Variants in ZFHX3 observed in about 807,000 individuals in gnomAD.
ZFHX3 encodes zinc finger homeobox protein 3.
A neutral mutation model predicts 279.1 loss-of-function variants in ZFHX3; 42 were observed. The observed-to-expected ratio is 0.15, with a 90% CI of 0.12 to 0.19. The LOEUF is 0.19. Among genes scored for constraint, ZFHX3 ranks in the 10% least tolerant of loss-of-function variants. ZFHX3 has a pLI of 1.00. For missense variants in ZFHX3, 4,981 were observed against 4,754.0 expected, an observed-to-expected ratio of 1.05 and a Z score of -1.40; for synonymous variants, 2,293 against 1,957.8, an observed-to-expected ratio of 1.17 and a Z score of -4.52.
chr16:72,839,351 C>CAAATGAA (rs1388382722), intron 4 of ZFHX3, among the ~76,000 whole-genome samples: 1 of 152,148 alleles, frequency 6.6e-6, no homozygotes, highest in Admixed American at 6.5e-5. Flanking sequence ...TCATTTAAAA[C>CAAATGAA]GTGATCTAAC....
intron 4 of ZFHX3, among the ~76,000 whole-genome samples, chr16:72,887,775 G>T (rs1351657595): frequency 1.3e-5 from 2 of 151,588 alleles, no homozygotes; most frequent in African/African-American, 4.9e-5. Flanking sequence ...GTATACAGGG[G>T]GTGTGTGTGT....
chr16:72,825,957 T>C (rs753970743), intron 5 of ZFHX3, among the ~76,000 whole-genome samples: 2 of 152,174 alleles, frequency 1.3e-5, no homozygotes, highest in Non-Finnish European at 2.9e-5. Context: ...TGATCTATAG[T>C]AATATCGGTC....
At position 73,319,119 on chromosome 16, in the gene ZFHX3, G is replaced by T. The variant is rs184868033; in HGVS notation, c.-1290-783C>A. Among the ~76,000 whole-genome samples the T allele has an allele frequency of 5.9e-5, 9 of 151,908 alleles. No homozygotes were observed. In the South Asian group the frequency reaches 8.4e-4, roughly 14 times the overall value. ...GGGAGGGGAGGTGTGGAATGGGGGG[G>T]GCAGAGGACGCACAAGGACCGGAGC... On this transcript the variant is annotated intron_variant, in intron 3 of 17. Transcript: ENST00000641206.
At position 73,568,810 on chromosome 16, in the gene ZFHX3, CA is replaced by C; in HGVS notation, c.-1547+111369del. On this transcript the variant is annotated intron_variant, in intron 2 of 17. Transcript: ENST00000641206. ...GTGGTGAAATCTATCAAAGGAATCT[CA>C]AAACAGATTACATGGTAAATTATCG... is the stretch of plus-strand genomic sequence containing the variant. 4.6e-5 allele frequency among the ~76,000 whole-genome samples: 7 copies of C among 152,192 alleles called. No homozygotes were observed. In the Middle Eastern group the frequency reaches 0.024, roughly 518 times the overall value.
At chr16:72,820,178 C>G (rs1464523678) in intron 5 of ZFHX3, among the ~76,000 whole-genome samples, 2 of 152,208 alleles carry the variant, frequency 1.3e-5, no homozygotes, top group Non-Finnish European at 2.9e-5. Flanking sequence ...GAAGCAGCCT[C>G]TCTGGCAGGC....
At chr16:73,649,949 G>A (rs948214003) in intron 2 of ZFHX3, among the ~76,000 whole-genome samples, 6 of 152,114 alleles carry the variant, frequency 3.9e-5, no homozygotes, top group South Asian at 2.1e-4. Context: ...TGTGAGTCAC[G>A]GCTCTAGCAC....
At chr16:73,359,684 T>C (rs1195083565) in intron 3 of ZFHX3, among the ~76,000 whole-genome samples, 1 of 152,204 alleles carries the variant, frequency 6.6e-6, no homozygotes, top group East Asian at 1.9e-4. Context: ...TCTGGAGCTA[T>C]CTTCTCTCTG....
chr16:72,802,058 A>T (rs571779102), intron 7 of ZFHX3, among the ~76,000 whole-genome samples: 1 of 152,246 alleles, frequency 6.6e-6, no homozygotes, highest in African/African-American at 2.4e-5. Flanking sequence ...GAATAAAATT[A>T]TCTAACACCT....
chr16:73,640,588 A>C (rs1284549697), intron 2 of ZFHX3, among the ~76,000 whole-genome samples: 1 of 152,200 alleles, frequency 6.6e-6, no homozygotes, highest in Non-Finnish European at 1.5e-5. Flanking sequence ...CCACATTCTC[A>C]GAATTGTTTA....
chr16:73,023,817 A>G (rs1045016547), intron 1 of ZFHX3, among the ~76,000 whole-genome samples: 1 of 152,140 alleles, frequency 6.6e-6, no homozygotes, highest in African/African-American at 2.4e-5. Flanking sequence ...CACACACACC[A>G]CGACGTCAGC....
rs145444498 is a variant in ZFHX3, at chr16:73,577,795, T to C, written c.-1547+102385A>G. Among the ~76,000 whole-genome samples the C allele has an allele frequency of 1.5e-3, 226 of 152,322 alleles. 3 individuals carry two copies. The highest frequency in any genetic ancestry group is 5.1e-3 in the African/African-American group (214 of 41,572). ...GTTTTCTCCTTATGTTCCGCCATAG[T>C]TTTATAGTTTTTACCCTACGAATTT... On this transcript the variant is annotated intron_variant, in intron 2 of 17. Coordinates refer to the ZFHX3 transcript ENST00000641206.
chr16:73,868,407 C>A (rs1962082585), intron 1 of ZFHX3, among the ~76,000 whole-genome samples: 1 of 152,206 alleles, frequency 6.6e-6, no homozygotes, highest in Non-Finnish European at 1.5e-5. Context: ...GCCTGTAATC[C>A]CAGCTACTCG....
chr16:73,838,569 C>T (rs1177976444), intron 1 of ZFHX3, among the ~76,000 whole-genome samples: 1 of 152,094 alleles, frequency 6.6e-6, no homozygotes, highest in Admixed American at 6.5e-5. Context: ...CCTTTGCAAA[C>T]AGTAAAGTGT....
rs1457999082 is a variant in ZFHX3, at chr16:73,448,684, ACGTGTGTGTG to A, written c.-1291+7309_-1291+7318del. ...AAAAGGGGAAGGTGTATATTTATAT[ACGTGTGTGTG>A]TGTGTGTGTGTGTGTGTGTGTGTGT... On this transcript the variant is annotated intron_variant, in intron 3 of 17. Transcript: ENST00000641206. Among the ~76,000 whole-genome samples, 197 of 66,892 alleles carry A rather than the reference ACGTGTGTGTG, an allele frequency of 2.9e-3. 1 individual carries two copies. Among genetic ancestry groups the A allele is most frequent in the African/African-American group, 7.0e-3 (180 of 25,752 alleles). The allele number at this position is 66,892 out of a possible 152,430, so 43.9% of individuals were successfully genotyped here.
In ZFHX3 at chr16:73,603,612, CAAAAATTCA is replaced by C. The variant is rs569021310; in HGVS notation, c.-1547+76559_-1547+76567del. On this transcript the variant is annotated intron_variant, in intron 2 of 17. Coordinates refer to the ZFHX3 transcript ENST00000641206. ...ATCCCACCTCCAGAAATCCCTCCTA[CAAAAATTCA>C]AAATAACATTATTTATTATAACAAA... Among the ~76,000 whole-genome samples, 524 of 151,988 alleles carry C rather than the reference CAAAAATTCA, an allele frequency of 3.4e-3. 4 individuals are homozygous for C. Among genetic ancestry groups the C allele is most frequent in the African/African-American group, 0.012 (492 of 41,448 alleles).
chr16:73,412,305 C>A (rs777966511), intron 3 of ZFHX3, among the ~76,000 whole-genome samples: 8 of 132,418 alleles, frequency 6.0e-5, no homozygotes, highest in Non-Finnish European at 6.1e-5. Context: ...CCACCCTGGG[C>A]AACAGAGTGA....
intron 7 of ZFHX3, chr16:73,123,502 C>T (rs1966524927): frequency 6.6e-6 from 1 of 150,596 alleles, no homozygotes; most frequent in African/African-American, 2.5e-5. Context: ...TCTGGGACCA[C>T]CAGGCCTCAG....
intron 1 of ZFHX3, among the ~76,000 whole-genome samples, chr16:73,695,625 C>G (rs2053190809): frequency 6.6e-6 from 1 of 152,188 alleles, no homozygotes; most frequent in Non-Finnish European, 1.5e-5. Context: ...AAACCTAGTT[C>G]CATTTATTAG....
At chr16:73,492,198 T>C (rs1332640013) in intron 2 of ZFHX3, among the ~76,000 whole-genome samples, 1 of 152,176 alleles carries the variant, frequency 6.6e-6, no homozygotes. Flanking sequence ...CCCACCTTCT[T>C]TAGTGCCATT....
Sources: allele counts gnomAD v4.1 joint callset (sites outside exome capture counted in the v4.1 genomes callset), GRCh38; gene constraint gnomAD v4.1.1; transcripts MANE v1.5; gene names NCBI Gene and HGNC (gene_info 2026-07-23, HGNC 2026-07-21).